The following SCAPER variants were observed in gnomAD, a reference collection of about 807,000 sequenced individuals.
The protein encoded by SCAPER is S-phase cyclin A associated protein in the ER, also known as S phase cyclin A-associated protein in the endoplasmic reticulum.
SCAPER carries 98 observed loss-of-function variants against 182.2 expected under a neutral mutation model. The observed-to-expected ratio is 0.54, with a 90% CI of 0.46 to 0.64. The LOEUF (loss-of-function observed/expected upper bound fraction) is 0.64, where lower values mean the gene tolerates loss of function less well. SCAPER is among the 30% of genes least tolerant of loss of function. SCAPER has a pLI of 0.00. For synonymous variants in SCAPER, 605 were observed against 564.6 expected, an observed-to-expected ratio of 1.07 and a Z score of -1.01; for missense variants, 1,432 against 1,690.0, an observed-to-expected ratio of 0.85 and a Z score of 2.68.
chr15:76,556,241 T>A (rs778487209), intron 23 of SCAPER, among the ~76,000 whole-genome samples: 1 of 152,096 alleles, frequency 6.6e-6, no homozygotes, highest in Non-Finnish European at 1.5e-5. Flanking sequence ...AGATACAACA[T>A]ACCAGAATCT....
intron 29 of SCAPER, among the ~76,000 whole-genome samples, chr15:76,375,762 C>T (rs903374150): frequency 1.3e-5 from 2 of 152,214 alleles, no homozygotes; most frequent in Non-Finnish European, 2.9e-5. Flanking sequence ...GCAGGCAGAT[C>T]ACCTGAGGGT....
At chr15:76,890,407 T>G (rs572573173) in intron 1 of SCAPER, among the ~76,000 whole-genome samples, 1 of 151,734 alleles carries the variant, frequency 6.6e-6, no homozygotes, top group African/African-American at 2.4e-5. Flanking sequence ...TCAACAAAAT[T>G]GATAGACTGC....
chr15:76,764,824 T>C lies in SCAPER; in HGVS notation c.1725+137A>G, dbSNP rs543668091. 644 of 573,532 alleles carry C rather than the reference T, an allele frequency of 1.1e-3. 6 individuals are homozygous for C. The highest frequency in any genetic ancestry group is 0.011 in the African/African-American group (572 of 51,704). 35.5% of individuals were successfully genotyped at this position (573,532 alleles called of 1,614,324 possible). ...TAATAGTTAACCTTCTTGGATTCAA[T>C]AGATTAAAATGCTTTTATTTCCTAG... is the stretch of plus-strand genomic sequence containing the variant. On this transcript the variant is annotated intron_variant, in intron 14 of 31. Transcript: ENST00000563290.
chr15:76,373,457 G>A (rs182291679), intron 29 of SCAPER, among the ~76,000 whole-genome samples: 10 of 152,202 alleles, frequency 6.6e-5, no homozygotes, highest in South Asian at 2.1e-4. Flanking sequence ...AAATCTACAC[G>A]GATGATTTCC....
chr15:76,768,273 T>C (rs772170854), intron 10 of SCAPER, among the ~76,000 whole-genome samples: 1 of 152,158 alleles, frequency 6.6e-6, no homozygotes, highest in Non-Finnish European at 1.5e-5. Flanking sequence ...GTGCTATTCA[T>C]AATAGCACAG....
intron 29 of SCAPER, among the ~76,000 whole-genome samples, chr15:76,366,717 G>C (rs2041840043): frequency 6.6e-6 from 1 of 152,222 alleles, no homozygotes; most frequent in South Asian, 2.1e-4. Context: ...TTATTTGGGT[G>C]TGAGTTCTCC....
chr15:76,808,390 G>A (rs766357077), intron 5 of SCAPER, among the ~76,000 whole-genome samples: 2 of 152,154 alleles, frequency 1.3e-5, no homozygotes, highest in Non-Finnish European at 2.9e-5. Flanking sequence ...TACATGGCAT[G>A]CCCCAATTTT....
rs572941869 is a variant in SCAPER, at chr15:76,720,708, T to C, written c.2165+7887A>G. The stretch of plus-strand genomic sequence containing the variant: ...TGATGAGCACTTTTTCATGTGGTTC[T>C]TGGCTGCATAAATGTCTTCTTTTGA... On this transcript the variant is annotated intron_variant, in intron 17 of 31. Coordinates refer to ENST00000563290, the MANE Select transcript of SCAPER (RefSeq NM_020843.4). 3.3e-5 allele frequency among the ~76,000 whole-genome samples: 5 copies of C among 152,374 alleles called. No homozygotes were observed. In the East Asian group the frequency reaches 5.8e-4, roughly 18 times the overall value.
intron 22 of SCAPER, among the ~76,000 whole-genome samples, chr15:76,588,405 A>C (rs1441458912): frequency 2.6e-5 from 4 of 152,202 alleles, no homozygotes; most frequent in Admixed American, 1.3e-4. Context: ...CTGATATAAG[A>C]ATAGCTACTC....
At chr15:76,676,413 T>C (rs1439576054) in intron 20 of SCAPER, among the ~76,000 whole-genome samples, 1 of 152,212 alleles carries the variant, frequency 6.6e-6, no homozygotes, top group Non-Finnish European at 1.5e-5. Context: ...CTGTTCTACA[T>C]AGTCACATTT....
intron 2 of SCAPER, among the ~76,000 whole-genome samples, chr15:76,880,035 AT>A (rs2073433425): frequency 6.6e-6 from 1 of 152,210 alleles, no homozygotes; most frequent in Admixed American, 6.5e-5. Context: ...ATAAATGAAC[AT>A]TATTGGGAAA....
At chr15:76,485,172 A>G (rs2051498616) in intron 24 of SCAPER, among the ~76,000 whole-genome samples, 1 of 152,190 alleles carries the variant, frequency 6.6e-6, no homozygotes, top group Non-Finnish European at 1.5e-5. Flanking sequence ...TTAGCCCAAA[A>G]ACTTCTTGAG....
chr15:76,458,730 G>A (rs1030631926), intron 25 of SCAPER, among the ~76,000 whole-genome samples: 7 of 151,978 alleles, frequency 4.6e-5, no homozygotes, highest in Admixed American at 2.6e-4. Flanking sequence ...TGTAAACTAC[G>A]GTCACCCTGC....
At chr15:76,545,670 A>C (rs568482386) in intron 23 of SCAPER, among the ~76,000 whole-genome samples, 1 of 152,276 alleles carries the variant, frequency 6.6e-6, no homozygotes, top group South Asian at 2.1e-4. Flanking sequence ...TGAGCTTCAT[A>C]ATCACCCTGG....
intron 20 of SCAPER, among the ~76,000 whole-genome samples, chr15:76,682,441 C>A (rs1195448769): frequency 1.3e-5 from 2 of 152,166 alleles, no homozygotes; most frequent in South Asian, 2.1e-4. Flanking sequence ...CACCCTGCCA[C>A]TGCAAGCGCG....
chr15:76,637,722 TTA>T lies in SCAPER; in HGVS notation c.2646-15895_2646-15894del, dbSNP rs369760680. ...CCCTATCTCTACAATATATATGTGA[TTA>T]TATATATATATATATATATGTGTGT... On this transcript the variant is annotated intron_variant, in intron 21 of 31. Transcript: ENST00000563290. 5.1e-3 allele frequency among the ~76,000 whole-genome samples: 398 copies of T among 77,866 alleles called. 3 individuals are homozygous for T. Among genetic ancestry groups the T allele is most frequent in the African/African-American group, 7.9e-3 (167 of 21,018 alleles). 51.1% of individuals were successfully genotyped at this position (77,866 alleles called of 152,430 possible).
intron 25 of SCAPER, among the ~76,000 whole-genome samples, chr15:76,457,093 C>T (rs974550682): frequency 6.0e-5 from 9 of 150,698 alleles, no homozygotes; most frequent in African/African-American, 1.5e-4. Context: ...GATGGAGTCT[C>T]GCTTGGTCAC....
intron 23 of SCAPER, among the ~76,000 whole-genome samples, chr15:76,572,255 A>C (rs1326791002): frequency 6.6e-6 from 1 of 152,232 alleles, no homozygotes; most frequent in African/African-American, 2.4e-5. Flanking sequence ...TACGTGTAGC[A>C]GTGTCTTCAA....
At chr15:76,812,571 T>C (rs1304519091) in intron 5 of SCAPER, among the ~76,000 whole-genome samples, 4 of 150,572 alleles carry the variant, frequency 2.7e-5, no homozygotes, top group Admixed American at 2.6e-4. Context: ...GGCAAAACCT[T>C]AGGGTGAAAA....
Sources: allele counts gnomAD v4.1 joint callset (sites outside exome capture counted in the v4.1 genomes callset), GRCh38; gene constraint gnomAD v4.1.1; transcripts MANE v1.5; gene names NCBI Gene and HGNC (gene_info 2026-07-23, HGNC 2026-07-21).